LINGO2: variants seen among roughly 807,000 people sequenced by gnomAD.
LINGO2 encodes leucine-rich repeat and immunoglobulin-like domain-containing nogo receptor-interacting protein 2.
A neutral mutation model predicts 30.6 loss-of-function variants in LINGO2; 14 were observed. That is an observed-to-expected ratio of 0.46 (90% CI 0.30 to 0.72). The LOEUF (loss-of-function observed/expected upper bound fraction) is 0.72, where lower values mean the gene tolerates loss of function less well. Ranked by LOEUF, LINGO2 falls within the 30% of genes least tolerant of loss-of-function variation. LINGO2 has a pLI of 0.07. For missense variants in LINGO2, 729 were observed against 751.7 expected (o/e 0.97, Z 0.35); for synonymous variants, 317 against 288.5 (o/e 1.10, Z -1.00).
At chr9:28,861,226 AAATATAT>A in the LINGO2 span, among the ~76,000 whole-genome samples, 1 of 113,642 alleles carries the variant, frequency 8.8e-6, no homozygotes, top group Non-Finnish European at 1.7e-5. Flanking sequence ...AATATTATAT[AAATATAT>A]AATATATATT....
intron 1 of LINGO2, among the ~76,000 whole-genome samples, chr9:28,571,636 T>G (rs12003131): frequency 0.021 from 3,249 of 152,234 alleles, 57 homozygotes; most frequent in African/African-American, 0.049. Context: ...AATCCACTTC[T>G]TTTGTATGGC....
rs142185933 is a variant in LINGO2 at position 28,065,207 on chromosome 9, A to T, written c.-86-52802T>A. Among the ~76,000 whole-genome samples, 793 of 152,048 alleles carry T rather than the reference A, an allele frequency of 5.2e-3. 15 individuals carry two copies. The highest frequency in any genetic ancestry group is 0.046 in the South Asian group (223 of 4,814). On this transcript the variant is annotated intron_variant, in intron 4 of 5. Transcript: ENST00000379992. ...ATCTCCAAGTTAAAAAAAAAAAACAAAAAAAACACTGTCTCAAGATCAATC... is the reference window on the plus strand; with the variant it reads ...ATCTCCAAGTTAAAAAAAAAAAACATAAAAAACACTGTCTCAAGATCAATC...
the LINGO2 span, among the ~76,000 whole-genome samples, chr9:28,762,177 TA>T: frequency 1.4e-4 from 21 of 152,184 alleles, no homozygotes; most frequent in South Asian, 4.3e-3. Context: ...ATAAATATTT[TA>T]AACATAGTTT....
intron 4 of LINGO2, among the ~76,000 whole-genome samples, chr9:28,238,151 A>AAGAG (rs34878831): frequency 0.2 from 30,091 of 149,998 alleles, 3,195 homozygotes; most frequent in East Asian, 0.27. Flanking sequence ...ATTAGAACTA[A>AAGAG]AGAGAGAGAG....
the LINGO2 span, among the ~76,000 whole-genome samples, chr9:28,777,871 CTTT>C: frequency 3.3e-5 from 5 of 152,122 alleles, no homozygotes; most frequent in African/African-American, 1.2e-4. Flanking sequence ...GTATTAAATC[CTTT>C]TTTATTTCAT....
chr9:28,724,656 A>G, the LINGO2 span, among the ~76,000 whole-genome samples: 1 of 152,142 alleles, frequency 6.6e-6, no homozygotes. Flanking sequence ...TCCACCTCAG[A>G]TCAATATCAG....
the LINGO2 span, among the ~76,000 whole-genome samples, chr9:29,146,471 C>T: frequency 6.6e-6 from 1 of 152,028 alleles, no homozygotes; most frequent in Non-Finnish European, 1.5e-5. Context: ...ACTTTTGCAC[C>T]AACCTAATAT....
intron 4 of LINGO2, among the ~76,000 whole-genome samples, chr9:28,169,962 C>A (rs549219300): frequency 1.2e-4 from 19 of 152,184 alleles, no homozygotes; most frequent in African/African-American, 3.9e-4. Context: ...CCCTTTTGAC[C>A]CACCAGCACT....
the LINGO2 span, among the ~76,000 whole-genome samples, chr9:28,845,391 A>G: frequency 6.6e-6 from 1 of 151,954 alleles, no homozygotes; most frequent in Non-Finnish European, 1.5e-5. Flanking sequence ...CAGGAATAAA[A>G]TAAGAATTGC....
At chr9:28,011,259 T>C (rs1822538180) in intron 5 of LINGO2, among the ~76,000 whole-genome samples, 1 of 152,156 alleles carries the variant, frequency 6.6e-6, no homozygotes, top group African/African-American at 2.4e-5. Flanking sequence ...ACCAGAATTT[T>C]TCGTAGGGAG....
chr9:28,330,668 G>T (rs1825386649), intron 3 of LINGO2, among the ~76,000 whole-genome samples: 1 of 152,092 alleles, frequency 6.6e-6, no homozygotes, highest in Non-Finnish European at 1.5e-5. Flanking sequence ...GTGAATTACT[G>T]ATCACCTTGA....
chr9:28,821,378 A>G, the LINGO2 span, among the ~76,000 whole-genome samples: 2 of 152,240 alleles, frequency 1.3e-5, no homozygotes, highest in Non-Finnish European at 2.9e-5. Context: ...ATAAAAACAA[A>G]TGAGCAAGGG....
chr9:28,613,115 A>G (rs908482500), intron 1 of LINGO2, among the ~76,000 whole-genome samples: 20 of 152,080 alleles, frequency 1.3e-4, no homozygotes, highest in African/African-American at 4.8e-4. Context: ...CTATGATGAT[A>G]AGTTTCCTGA....
intron 4 of LINGO2, among the ~76,000 whole-genome samples, chr9:28,099,720 C>T (rs529343785): frequency 2.0e-5 from 3 of 152,256 alleles, no homozygotes; most frequent in African/African-American, 7.2e-5. Context: ...CCCAAACTAT[C>T]CTCATGAAAT....
At chr9:28,542,386 C>A (rs988322548) in intron 1 of LINGO2, among the ~76,000 whole-genome samples, 2 of 151,618 alleles carry the variant, frequency 1.3e-5, no homozygotes, top group Non-Finnish European at 2.9e-5. Context: ...ACCAGAGAGG[C>A]CTAAGGAAAG....
intron 1 of LINGO2, among the ~76,000 whole-genome samples, chr9:28,609,909 G>A (rs1167988850): frequency 1.3e-5 from 2 of 152,094 alleles, no homozygotes; most frequent in Non-Finnish European, 2.9e-5. Flanking sequence ...TGGCACCTAT[G>A]AGAAGATTGC....
chr9:28,253,019 C>T (rs1228732766), intron 4 of LINGO2, among the ~76,000 whole-genome samples: 1 of 151,494 alleles, frequency 6.6e-6, no homozygotes, highest in Non-Finnish European at 1.5e-5. Flanking sequence ...AAAAGGTAAG[C>T]AACAAGTATT....
At chr9:28,616,333 G>T (rs1262838610) in intron 1 of LINGO2, among the ~76,000 whole-genome samples, 1 of 150,034 alleles carries the variant, frequency 6.7e-6, no homozygotes, top group Admixed American at 6.6e-5. Flanking sequence ...ATACACACAT[G>T]TGAAATATTT....
chr9:29,001,091 A>ATG, the LINGO2 span, among the ~76,000 whole-genome samples: 20,267 of 150,610 alleles, frequency 0.13, 1,391 homozygotes, highest in African/African-American at 0.19. Context: ...GTATATTTGT[A>ATG]TGTGTGTGTG....
Sources: allele counts gnomAD v4.1 joint callset (sites outside exome capture counted in the v4.1 genomes callset), GRCh38; gene constraint gnomAD v4.1.1; transcripts MANE v1.5; gene names NCBI Gene and HGNC (gene_info 2026-07-23, HGNC 2026-07-21).